The following CSMD1 variants were observed in gnomAD, a reference collection of about 807,000 sequenced individuals.
CSMD1 encodes the protein CUB and sushi domain-containing protein 1.
A neutral mutation model predicts 417.5 loss-of-function variants in CSMD1; 213 were observed. The ratio of observed to expected loss-of-function variants is 0.51; its 90% CI spans 0.46 to 0.57. CSMD1 has a LOEUF of 0.57. CSMD1 is among the 20% of genes least tolerant of loss of function. The pLI is 0.00. For missense variants in CSMD1, 6,923 were observed against 4,529.7 expected, an observed-to-expected ratio of 1.53 and a Z score of -15.17; for synonymous variants, 2,862 against 1,736.8, an observed-to-expected ratio of 1.65 and a Z score of -16.11.
At chr8:3,921,943 T>C (rs776697522) in intron 5 of CSMD1, among the ~76,000 whole-genome samples, 2 of 152,190 alleles carry the variant, frequency 1.3e-5, no homozygotes, top group Non-Finnish European at 2.9e-5. Context: ...TCTTATTGAT[T>C]TGATGTCTGG....
rs1000314597 is a variant in CSMD1 at position 3,914,313 on chromosome 8, C to T, written c.818+83590G>A. On this transcript the variant is annotated intron_variant, in intron 5 of 69. Transcript: ENST00000635120. ...ACAGGTAGCTCATGGTTTTTAAGAA[C>T]GAGGAAGAGAATGGGGCCTAGAGGG... 4.6e-5 allele frequency among the ~76,000 whole-genome samples: 7 copies of T among 151,838 alleles called. No homozygotes were observed. In the South Asian group the frequency reaches 6.2e-4, roughly 14 times the overall value.
intron 1 of CSMD1, among the ~76,000 whole-genome samples, chr8:4,775,024 C>A (rs1237488176): frequency 6.6e-6 from 1 of 151,772 alleles, no homozygotes; most frequent in Admixed American, 6.6e-5. Context: ...TGAGAATGGA[C>A]TAATATATGA....
intron 2 of CSMD1, among the ~76,000 whole-genome samples, chr8:4,589,794 T>G (rs530481341): frequency 6.8e-4 from 103 of 152,328 alleles, no homozygotes; most frequent in African/African-American, 2.5e-3. Context: ...TATATATCTT[T>G]GCCATGTCAA....
intron 7 of CSMD1, among the ~76,000 whole-genome samples, chr8:3,673,012 C>T (rs531053293): frequency 8.5e-5 from 13 of 152,226 alleles, no homozygotes; most frequent in African/African-American, 3.1e-4. Flanking sequence ...CCATGCTTTC[C>T]TTGTTTAAGG....
intron 1 of CSMD1, among the ~76,000 whole-genome samples, chr8:4,650,128 G>A (rs977932532): frequency 9.2e-5 from 14 of 151,956 alleles, no homozygotes; most frequent in Admixed American, 7.9e-4. Context: ...GGCGGATCAC[G>A]AGGTCAGGAG....
At chr8:3,692,397 A>G (rs1800297426) in intron 7 of CSMD1, among the ~76,000 whole-genome samples, 1 of 152,186 alleles carries the variant, frequency 6.6e-6, no homozygotes, top group Non-Finnish European at 1.5e-5. Flanking sequence ...GTCACTTCTA[A>G]CGTGCCTCCT....
intron 7 of CSMD1, among the ~76,000 whole-genome samples, chr8:3,660,451 A>C (rs1798353792): frequency 8.0e-6 from 1 of 124,360 alleles, no homozygotes; most frequent in Non-Finnish European, 1.7e-5. Flanking sequence ...GTAAGAATTT[A>C]TATGTAAACT....
chr8:4,204,466 T>G (rs1338725894), intron 3 of CSMD1, among the ~76,000 whole-genome samples: 1 of 152,196 alleles, frequency 6.6e-6, no homozygotes, highest in African/African-American at 2.4e-5. Context: ...CCTGAGATTT[T>G]GTCAGCACTT....
At chr8:3,840,427 T>A (rs1803051855) in intron 5 of CSMD1, among the ~76,000 whole-genome samples, 1 of 152,188 alleles carries the variant, frequency 6.6e-6, no homozygotes, top group African/African-American at 2.4e-5. Context: ...TACTTTATTT[T>A]ATTGTGTTAG....
intron 1 of CSMD1, among the ~76,000 whole-genome samples, chr8:4,815,560 G>T (rs150167623): frequency 2.0e-5 from 3 of 151,658 alleles, no homozygotes; most frequent in African/African-American, 7.3e-5. Context: ...GCCAGGCATG[G>T]TGACACATGC....
intron 2 of CSMD1, among the ~76,000 whole-genome samples, chr8:4,430,422 C>A (rs766804715): frequency 1.3e-5 from 2 of 151,982 alleles, no homozygotes; most frequent in African/African-American, 2.4e-5. Context: ...CATAGTCTAC[C>A]TTCTCCCGGG....
intron 12 of CSMD1, among the ~76,000 whole-genome samples, chr8:3,415,428 G>C (rs531294342): frequency 6.6e-6 from 1 of 152,216 alleles, no homozygotes; most frequent in African/African-American, 2.4e-5. Flanking sequence ...CACGATCTCA[G>C]CTCACTGTAA....
rs545224457 is a variant in CSMD1, at chr8:3,552,060, T to C, written c.1344+22885A>G. ...ATAGAGATTTTGCAGATGCATGTTCTGTATTGTGAAAACAAATGGTAAAAT... is the reference window on the plus strand; with the variant it reads ...ATAGAGATTTTGCAGATGCATGTTCCGTATTGTGAAAACAAATGGTAAAAT... On this transcript the variant is annotated intron_variant, in intron 10 of 69. Transcript: ENST00000635120. Among the ~76,000 whole-genome samples, 206 of 152,346 alleles carry C rather than the reference T, an allele frequency of 1.4e-3. 1 individual carries two copies. Among genetic ancestry groups the C allele is most frequent in the African/African-American group, 4.7e-3 (197 of 41,578 alleles).
chr8:3,595,837 A>G (rs1801065612), intron 8 of CSMD1, among the ~76,000 whole-genome samples: 1 of 152,214 alleles, frequency 6.6e-6, no homozygotes, highest in Non-Finnish European at 1.5e-5. Flanking sequence ...TACAAAGGCA[A>G]AAGCTGTTTG....
intron 50 of CSMD1, among the ~76,000 whole-genome samples, 188 bp from the exon 51 acceptor site, chr8:3,029,701 T>A: frequency 6.7e-6 from 1 of 150,162 alleles, no homozygotes; most frequent in East Asian, 1.9e-4. Context: ...ATATGTAAAA[T>A]GCATTCAATT....
At chr8:3,494,598 AGATAGATAGATG>A in intron 10 of CSMD1, among the ~76,000 whole-genome samples, 1 of 139,962 alleles carries the variant, frequency 7.1e-6, no homozygotes, top group Admixed American at 7.1e-5. Flanking sequence ...ATAGATAGAT[AGATAGATAGATG>A]ACAGATAGTA....
intron 3 of CSMD1, among the ~76,000 whole-genome samples, chr8:4,232,171 T>C (rs1410100224): frequency 6.6e-6 from 1 of 152,192 alleles, no homozygotes; most frequent in Non-Finnish European, 1.5e-5. Flanking sequence ...CCAAGTGTAT[T>C]GAGAAACACT....
chr8:4,791,987 T>C (rs1036705302), intron 1 of CSMD1, among the ~76,000 whole-genome samples: 6 of 152,082 alleles, frequency 3.9e-5, no homozygotes, highest in Non-Finnish European at 8.8e-5. Context: ...GTGTCCTTTA[T>C]AGTGTGTGTC....
Position 4,801,358 on chromosome 8 carries a change from C to G in CSMD1, c.86-163800G>C, listed in dbSNP as rs558420689. 7.2e-5 allele frequency among the ~76,000 whole-genome samples: 11 copies of G among 152,208 alleles called. No homozygotes were observed. In the South Asian group the frequency reaches 1.7e-3, roughly 23 times the overall value. ...AGCTATAAATTGCTGCTGCTGCTGC[C>G]AGAACCCAGTACTGAGCAGATTCAA... On this transcript the variant is annotated intron_variant, in intron 1 of 69. Coordinates refer to ENST00000635120, the MANE Select transcript of CSMD1 (RefSeq NM_033225.6).
Sources: gnomAD v4.1 joint callset for allele counts (sites outside exome capture counted in the v4.1 genomes callset) on GRCh38, gnomAD v4.1.1 for gene constraint, MANE v1.5 for transcripts, NCBI Gene and HGNC (gene_info 2026-07-23, HGNC 2026-07-21) for gene names.